Variants in ROR1 observed in about 807,000 individuals in gnomAD.
ROR1 encodes the protein inactive tyrosine-protein kinase transmembrane receptor ROR1.
Under a neutral mutation model 78.8 loss-of-function variants are expected in ROR1, and 19 were observed. The ratio of observed to expected loss-of-function variants is 0.24; its 90% CI spans 0.17 to 0.35. The LOEUF (loss-of-function observed/expected upper bound fraction) is 0.35. Ranked by LOEUF, ROR1 falls within the 10% of genes least tolerant of loss-of-function variation. The pLI is 1.00. For synonymous variants in ROR1, 386 were observed against 433.6 expected, an observed-to-expected ratio of 0.89 and a Z score of 1.36; for missense variants, 917 against 1,177.8, an observed-to-expected ratio of 0.78 and a Z score of 3.24.
intron 4 of ROR1, among the ~76,000 whole-genome samples, chr1:64,054,483 T>C (rs7540568): frequency 0.13 from 19,766 of 152,130 alleles, 1,723 homozygotes; most frequent in African/African-American, 0.24. Context: ...TTGGAGAAAC[T>C]TCACTCCCTG....
rs751575760 is a variant in ROR1 at position 64,159,025 on chromosome 1, A to T, written c.1219A>T (p.Ile407Leu). Residue 407 changes from isoleucine (I) to leucine (L), a missense_variant, in exon 8 of 9, where the codon ATA (isoleucine) becomes TTA (leucine). Transcript: ENST00000371079. ...GAAGAATAAAATGGAAATCCTGTAC[A>T]TACTAGTGCCAAGTGTGGCCATTCC... ...KEKNKMEILY[I>L]LVPSVAIPLA... is the part of the protein sequence containing the mutation. 7 of 1,614,212 alleles carry T rather than the reference A, an allele frequency of 4.3e-6. No homozygotes were observed. The highest frequency in any genetic ancestry group is 5.1e-6 in the Non-Finnish European group (6 of 1,180,016).
intron 1 of ROR1, among the ~76,000 whole-genome samples, chr1:63,921,034 G>A (rs1189485817): frequency 2.6e-5 from 4 of 152,172 alleles, no homozygotes; most frequent in East Asian, 3.9e-4. Flanking sequence ...CCCTACAAAC[G>A]GACTAAATTA....
intron 1 of ROR1, among the ~76,000 whole-genome samples, chr1:63,873,368 T>A: frequency 6.6e-6 from 1 of 152,096 alleles, no homozygotes; most frequent in Non-Finnish European, 1.5e-5. Context: ...TCTTAGTGTG[T>A]ATTATCTCCC....
intron 1 of ROR1, among the ~76,000 whole-genome samples, chr1:63,793,353 T>C (rs1361834444): frequency 6.6e-6 from 1 of 152,248 alleles, no homozygotes; most frequent in Non-Finnish European, 1.5e-5. Context: ...TGACAGTTAA[T>C]AATAATCTAT....
chr1:63,910,293 A>C (rs905728679), intron 1 of ROR1, among the ~76,000 whole-genome samples: 9 of 152,224 alleles, frequency 5.9e-5, no homozygotes, highest in Non-Finnish European at 1.2e-4. Flanking sequence ...AATGATTTAT[A>C]TATGGACAAA....
chr1:63,864,090 T>A (rs1454767613), intron 1 of ROR1, among the ~76,000 whole-genome samples: 1 of 152,176 alleles, frequency 6.6e-6, no homozygotes. Context: ...ATTCATGTAA[T>A]CTTTGCAGCA....
rs560605590 is a variant in ROR1, at chr1:63,935,901, A to G, written c.92-73404A>G. Among the ~76,000 whole-genome samples, 40 of 152,384 alleles carry G rather than the reference A, an allele frequency of 2.6e-4. 1 individual carries two copies. In the South Asian group the frequency reaches 8.1e-3, roughly 31 times the overall value. ...ATCCACACTTGTGATAAAAGGAGTT[A>G]TTTATGAGGTAGCTGTGGTTTCAAA... is the stretch of plus-strand genomic sequence containing the variant. On this transcript the variant is annotated intron_variant, in intron 1 of 8. Coordinates refer to ENST00000371079, the MANE Select transcript of ROR1 (RefSeq NM_005012.4).
intron 8 of ROR1, among the ~76,000 whole-genome samples, chr1:64,163,473 A>G (rs1232473059): frequency 6.6e-6 from 1 of 152,144 alleles, no homozygotes; most frequent in Non-Finnish European, 1.5e-5. Flanking sequence ...GAGTCAAGGC[A>G]GGCCAGGGGT....
chr1:63,791,729 T>C (rs1443935077), intron 1 of ROR1, among the ~76,000 whole-genome samples: 1 of 152,190 alleles, frequency 6.6e-6, no homozygotes, highest in Non-Finnish European at 1.5e-5. Flanking sequence ...GAGGTCTTAG[T>C]TTCTTTATCT....
chr1:64,155,854 A>T (rs962973810), intron 7 of ROR1, among the ~76,000 whole-genome samples: 1 of 152,188 alleles, frequency 6.6e-6, no homozygotes, highest in African/African-American at 2.4e-5. Context: ...AAATATGAAA[A>T]TGGTTTATAA....
At chr1:63,854,981 ATTAT>A (rs896342014) in intron 1 of ROR1, among the ~76,000 whole-genome samples, 9 of 151,874 alleles carry the variant, frequency 5.9e-5, no homozygotes, top group African/African-American at 2.2e-4. Context: ...TAAAATTTGT[ATTAT>A]TTATTATTAT....
intron 1 of ROR1, among the ~76,000 whole-genome samples, chr1:63,928,005 G>A (rs967020901): frequency 6.8e-6 from 1 of 147,982 alleles, no homozygotes; most frequent in Admixed American, 6.8e-5. Context: ...TTGGCATGCT[G>A]GCAACTGCGT....
intron 1 of ROR1, among the ~76,000 whole-genome samples, chr1:63,817,088 T>C (rs1383770337): frequency 6.6e-6 from 1 of 152,232 alleles, no homozygotes; most frequent in Non-Finnish European, 1.5e-5. Context: ...TTTAATGTTA[T>C]AGGATGCCTT....
chr1:63,805,764 C>G (rs959895450), intron 1 of ROR1, among the ~76,000 whole-genome samples: 9 of 152,192 alleles, frequency 5.9e-5, no homozygotes, highest in Non-Finnish European at 1.0e-4. Flanking sequence ...CCTGTAAGCC[C>G]AGCCACTTTG....
intron 1 of ROR1, among the ~76,000 whole-genome samples, chr1:63,874,294 A>G (rs1203960722): frequency 6.6e-6 from 1 of 152,176 alleles, no homozygotes; most frequent in African/African-American, 2.4e-5. Context: ...TTCTCAATGT[A>G]AAAGCCATTT....
intron 2 of ROR1, among the ~76,000 whole-genome samples, chr1:64,047,097 A>G (rs1177615324): frequency 1.3e-5 from 2 of 152,324 alleles, no homozygotes; most frequent in African/African-American, 4.8e-5. Flanking sequence ...CTGAGTAACC[A>G]TGGGGCAAGT....
At chr1:64,022,896 T>A (rs775234804) in intron 2 of ROR1, among the ~76,000 whole-genome samples, 1 of 152,158 alleles carries the variant, frequency 6.6e-6, no homozygotes, top group African/African-American at 2.4e-5. Flanking sequence ...ACATTGCTGT[T>A]TTTTGTTTGT....
intron 1 of ROR1, among the ~76,000 whole-genome samples, chr1:63,821,105 G>A (rs866581019): frequency 2.6e-5 from 4 of 152,158 alleles, no homozygotes; most frequent in South Asian, 2.1e-4. Flanking sequence ...ATGCTGGGGG[G>A]AGGAAGCACT....
chr1:63,898,997 A>G (rs1314701291), intron 1 of ROR1, among the ~76,000 whole-genome samples: 1 of 152,044 alleles, frequency 6.6e-6, no homozygotes, highest in Non-Finnish European at 1.5e-5. Flanking sequence ...AACAGTACAT[A>G]AAGTACTCCT....
Sources: allele counts gnomAD v4.1 joint callset (sites outside exome capture counted in the v4.1 genomes callset), GRCh38; gene constraint gnomAD v4.1.1; transcripts MANE v1.5; gene names NCBI Gene and HGNC (gene_info 2026-07-23, HGNC 2026-07-21).